Variants in FBXL17 observed in about 807,000 individuals in gnomAD.
The protein encoded by FBXL17 is F-box/LRR-repeat protein 17.
Under a neutral mutation model 66.2 loss-of-function variants are expected in FBXL17, and 22 were observed. That is an observed-to-expected ratio of 0.33 (90% CI 0.24 to 0.47). The LOEUF (loss-of-function observed/expected upper bound fraction) is 0.47, where lower values mean the gene tolerates loss of function less well. Ranked by LOEUF, FBXL17 falls within the 20% of genes least tolerant of loss-of-function variation. The probability of loss-of-function intolerance (pLI) is 1.00; values close to 1 mark genes in which losing one functional copy is unlikely to be tolerated. For missense variants in FBXL17, 878 were observed against 948.2 expected (o/e 0.93, Z 0.97); for synonymous variants, 474 against 400.5 (o/e 1.18, Z -2.19).
Position 108,177,911 on chromosome 5 carries a change from G to GTATATATATATATATATATA in FBXL17, c.1745+8186_1745+8205dup, listed in dbSNP as rs70996985. Among the ~76,000 whole-genome samples, 17 of 115,258 alleles carry GTATATATATATATATATATA rather than the reference G, an allele frequency of 1.5e-4. 1 individual carries two copies. In the South Asian group the frequency reaches 2.0e-3, roughly 14 times the overall value. The allele number at this position is 115,258 out of a possible 152,430, so 75.6% of individuals were successfully genotyped here. On this transcript the variant is annotated intron_variant, in intron 6 of 8. Transcript: ENST00000542267. ...TTATCCTTGCTCCAGAAAAAAAAAT[G>GTATATATATATATATATATA]TATATATATATATATATATATACAC...
chr5:107,973,059 C>T (rs891136340), intron 7 of FBXL17, among the ~76,000 whole-genome samples: 3 of 152,186 alleles, frequency 2.0e-5, no homozygotes, highest in Non-Finnish European at 4.4e-5. Context: ...GGACAATGTT[C>T]AAAGGTGCCC....
At chr5:108,033,082 G>C (rs941381315) in intron 6 of FBXL17, among the ~76,000 whole-genome samples, 1 of 152,160 alleles carries the variant, frequency 6.6e-6, no homozygotes, top group Non-Finnish European at 1.5e-5. Flanking sequence ...ATTTTCCTCT[G>C]ATATAATGGA....
chr5:107,874,498 G>T (rs1748555406), intron 8 of FBXL17, among the ~76,000 whole-genome samples: 1 of 152,162 alleles, frequency 6.6e-6, no homozygotes, highest in Non-Finnish European at 1.5e-5. Flanking sequence ...CCATTTTTCA[G>T]TTGGTGAATT....
intron 5 of FBXL17, among the ~76,000 whole-genome samples, chr5:108,189,756 G>A (rs1300507910): frequency 6.6e-6 from 1 of 152,188 alleles, no homozygotes; most frequent in African/African-American, 2.4e-5. Context: ...AAAGGATCTA[G>A]AGGTCTGAGA....
At chr5:107,865,508 T>C (rs1212402275) in intron 8 of FBXL17, among the ~76,000 whole-genome samples, 2 of 152,206 alleles carry the variant, frequency 1.3e-5, no homozygotes, top group Non-Finnish European at 2.9e-5. Flanking sequence ...AATACATCTG[T>C]AGTTGAGAAT....
chr5:108,001,490 G>GA (rs1021086023), intron 7 of FBXL17, among the ~76,000 whole-genome samples: 3 of 151,170 alleles, frequency 2.0e-5, no homozygotes, highest in African/African-American at 7.3e-5. Flanking sequence ...AGGAAAATTA[G>GA]TTTTTTTTTG....
intron 4 of FBXL17, among the ~76,000 whole-genome samples, chr5:108,319,121 A>G (rs950615981): frequency 1.3e-5 from 2 of 151,892 alleles, no homozygotes; most frequent in African/African-American, 4.8e-5. Flanking sequence ...AATTATTTTA[A>G]ATAAGCCATT....
At position 108,175,081 on chromosome 5, in the gene FBXL17, G is replaced by A. The variant is rs572320908; in HGVS notation, c.1745+11036C>T. Among the ~76,000 whole-genome samples the A allele has an allele frequency of 5.9e-5, 9 of 152,266 alleles. No homozygotes were observed. In the South Asian group the frequency reaches 1.7e-3, roughly 28 times the overall value. On this transcript the variant is annotated intron_variant, in intron 6 of 8. Transcript: ENST00000542267. ...TAGAAAGGGAGAATCTGAACCAATT[G>A]CCTGGATTTCAGCCAGAGTTTCAGC...
chr5:107,921,734 G>T (rs545771293), intron 7 of FBXL17, among the ~76,000 whole-genome samples: 2 of 152,324 alleles, frequency 1.3e-5, no homozygotes, highest in Admixed American at 1.3e-4. Flanking sequence ...GGAAGCTCTT[G>T]CTCTGAGCAC....
chr5:108,215,686 T>C (rs113397614), intron 5 of FBXL17, among the ~76,000 whole-genome samples: 1 of 152,194 alleles, frequency 6.6e-6, no homozygotes, highest in African/African-American at 2.4e-5. Flanking sequence ...AGAGTATCCT[T>C]TGAATTTTTA....
chr5:108,280,930 G>T (rs1757678184), intron 4 of FBXL17, among the ~76,000 whole-genome samples: 1 of 150,960 alleles, frequency 6.6e-6, no homozygotes, highest in South Asian at 2.1e-4. Context: ...AGAGAGAGGG[G>T]GGATATAATA....
At chr5:108,347,211 C>G (rs1233769680) in intron 4 of FBXL17, among the ~76,000 whole-genome samples, 3 of 152,118 alleles carry the variant, frequency 2.0e-5, no homozygotes, top group African/African-American at 7.2e-5. Flanking sequence ...CCCTAAGCTG[C>G]AAAGCTGAAC....
intron 7 of FBXL17, among the ~76,000 whole-genome samples, chr5:107,932,053 A>C (rs1271995953): frequency 6.6e-6 from 1 of 152,188 alleles, no homozygotes; most frequent in Non-Finnish European, 1.5e-5. Context: ...ATTTTTAACA[A>C]GTTCTGCAGA....
At chr5:108,284,682 T>G (rs993589359) in intron 4 of FBXL17, among the ~76,000 whole-genome samples, 3 of 151,876 alleles carry the variant, frequency 2.0e-5, no homozygotes, top group African/African-American at 7.2e-5. Context: ...AAATTGCACA[T>G]GTACCCCATA....
intron 7 of FBXL17, among the ~76,000 whole-genome samples, chr5:107,935,819 G>A (rs1426553215): frequency 2.0e-5 from 3 of 152,090 alleles, no homozygotes; most frequent in Admixed American, 2.0e-4. Flanking sequence ...GAACATGGAA[G>A]CAATGGAGGG....
At chr5:107,953,386 G>C (rs955264987) in intron 7 of FBXL17, among the ~76,000 whole-genome samples, 11 of 132,448 alleles carry the variant, frequency 8.3e-5, no homozygotes, top group Non-Finnish European at 1.4e-4. Flanking sequence ...CTGGACGACA[G>C]AGTGAGACTC....
At chr5:108,028,946 G>A (rs752313397) in intron 6 of FBXL17, among the ~76,000 whole-genome samples, 3 of 151,958 alleles carry the variant, frequency 2.0e-5, no homozygotes, top group South Asian at 2.1e-4. Context: ...CAATGAAGAC[G>A]GTACCTAATT....
intron 6 of FBXL17, among the ~76,000 whole-genome samples, chr5:108,060,409 G>A (rs947682381): frequency 6.6e-6 from 1 of 152,048 alleles, no homozygotes; most frequent in Non-Finnish European, 1.5e-5. Context: ...TATGTCATTT[G>A]TTCTCAACCA....
chr5:108,171,998 C>T (rs532730869), intron 6 of FBXL17, among the ~76,000 whole-genome samples: 46 of 152,156 alleles, frequency 3.0e-4, no homozygotes, highest in Admixed American at 3.9e-4. Flanking sequence ...CCTTGCCTTC[C>T]GCCATGATTT....
Sources: gnomAD v4.1 joint callset for allele counts (sites outside exome capture counted in the v4.1 genomes callset) on GRCh38, gnomAD v4.1.1 for gene constraint, MANE v1.5 for transcripts, NCBI Gene and HGNC (gene_info 2026-07-23, HGNC 2026-07-21) for gene names.